LRSAM1: variants seen among roughly 807,000 people sequenced by gnomAD.
LRSAM1 encodes E3 ubiquitin-protein ligase LRSAM1.
A neutral mutation model predicts 118.1 loss-of-function variants in LRSAM1; 96 were observed. The observed-to-expected ratio is 0.81, with a 90% CI of 0.69 to 0.96. The LOEUF is 0.96. Among genes scored for constraint, LRSAM1 ranks in the 40% least tolerant of loss-of-function variants. The pLI is 0.00. For synonymous variants in LRSAM1, 322 were observed against 364.2 expected (o/e 0.88, Z 1.32); for missense variants, 804 against 915.5 (o/e 0.88, Z 1.57).
intron 9 of LRSAM1, 48 bp from the exon 10 acceptor site, chr9:127,467,692 G>T: frequency 6.5e-7 from 1 of 1,536,152 alleles, no homozygotes; most frequent in East Asian, 2.3e-5. Flanking sequence ...TGTGGTCTCC[G>T]GTTGCGTTGG....
chr9:127,477,142 A>G (rs1835372829), intron 11 of LRSAM1, among the ~76,000 whole-genome samples: 2 of 152,144 alleles, frequency 1.3e-5, no homozygotes, highest in African/African-American at 4.8e-5. Flanking sequence ...TTCTTTCCCA[A>G]AGGCACAAAT....
At chr9:127,468,529 A>G (rs1435602735) in intron 10 of LRSAM1, among the ~76,000 whole-genome samples, 1 of 152,198 alleles carries the variant, frequency 6.6e-6, no homozygotes, top group East Asian at 1.9e-4. Flanking sequence ...ACACATGCCT[A>G]TGACTTATCA....
chr9:127,495,470 C>T (rs1836096383), intron 22 of LRSAM1, 52 bp downstream of exon 22: 1 of 1,500,584 alleles, frequency 6.7e-7, no homozygotes. Context: ...GACCTCCTCC[C>T]AGAGGCGCCT....
In LRSAM1 at chr9:127,461,214, T is replaced by C. The variant is rs2132010791; in HGVS notation, c.363T>C (p.Arg121=). ...VERNQLMQLP[R]SIGNLTQLQT... ...GGAATCAACTGATGCAGCTCCCACG[T>C]TCCATTGGGAACCTGACCCAGCTCC... Residue 121 remains arginine, a synonymous_variant, in exon 8 of 26, where the codon CGT becomes CGC. Transcript: ENST00000300417. 3 of 1,612,290 alleles carry C rather than the reference T, an allele frequency of 1.9e-6. No homozygotes were observed. The highest frequency in any genetic ancestry group is 2.5e-6 in the Non-Finnish European group (3 of 1,178,724).
intron 24 of LRSAM1, among the ~76,000 whole-genome samples, chr9:127,499,952 C>T (rs927262001): frequency 6.6e-6 from 1 of 151,412 alleles, no homozygotes; most frequent in Non-Finnish European, 1.5e-5. Flanking sequence ...TTTAGTTTTT[C>T]CTGTTATAAA....
In LRSAM1 at chr9:127,489,446, C is replaced by T. The variant is rs369401880; in HGVS notation, c.1350C>T (p.Ser450=). 9 of 1,606,282 alleles carry T rather than the reference C, an allele frequency of 5.6e-6. 1 individual carries two copies. Among genetic ancestry groups the T allele is most frequent in the African/African-American group, 4.0e-5 (3 of 74,886 alleles). Residue 450 remains serine, a splice_region_variant and synonymous_variant, in exon 19 of 26, where the codon AGC becomes AGT. Coordinates refer to ENST00000300417, the MANE Select transcript of LRSAM1 (RefSeq NM_001005373.4). ...NKAISQILQE[S]AMQKAAFEAL... ...AGGGCTGGTGGTCTGTGTTGCAGAG[C>T]GCGATGCAGAAGGCTGCGTTCGAGG...
rs117612613 is a variant in LRSAM1 at position 127,453,942 on chromosome 9, C to G, written c.-32-554C>G. Reference sequence around the variant, plus strand: ...CCTGCCCCCATGGAACTCCATGAAACTAGGAAGACGCAGTCCCTGGCTCCA... The same window carrying G: ...CCTGCCCCCATGGAACTCCATGAAAGTAGGAAGACGCAGTCCCTGGCTCCA... On this transcript the variant is annotated intron_variant, in intron 2 of 25. Transcript: ENST00000300417. 38 of 163,660 alleles carry G rather than the reference C, an allele frequency of 2.3e-4. No individual in the cohort carries two copies. The East Asian group carries it at 5.7e-3, about 24-fold the overall frequency. 10.1% of individuals were successfully genotyped at this position (163,660 alleles called of 1,614,324 possible). A position where few individuals can be genotyped will look rare whatever the true frequency, so the allele number is the denominator to read the frequency against.
intron 24 of LRSAM1, among the ~76,000 whole-genome samples, chr9:127,500,477 C>T (rs910319703): frequency 1.1e-4 from 17 of 151,960 alleles, no homozygotes; most frequent in African/African-American, 3.4e-4. Context: ...GGGCTGGGGG[C>T]AGGGGAACAG....
intron 9 of LRSAM1, among the ~76,000 whole-genome samples, chr9:127,466,262 T>C (rs1470436582): frequency 6.6e-6 from 1 of 151,642 alleles, no homozygotes; most frequent in African/African-American, 2.4e-5. Context: ...TGAGCTGAGA[T>C]CACACCACTG....
intron 7 of LRSAM1, 143 bp downstream of exon 7, chr9:127,459,214 G>T (rs62584966): frequency 1.4e-6 from 1 of 740,184 alleles, no homozygotes; most frequent in Non-Finnish European, 2.2e-6. Context: ...TTGGCCCTTT[G>T]GGGTTTTTTT....
chr9:127,476,899 A>G (rs1000928160), intron 11 of LRSAM1, among the ~76,000 whole-genome samples: 1 of 151,782 alleles, frequency 6.6e-6, no homozygotes, highest in African/African-American at 2.4e-5. Context: ...CTGGTCTCGA[A>G]CTCCTGAACT....
At chr9:127,476,233 G>A (rs939570029) in intron 11 of LRSAM1, among the ~76,000 whole-genome samples, 7 of 152,204 alleles carry the variant, frequency 4.6e-5, no homozygotes, top group African/African-American at 1.7e-4. Flanking sequence ...CCATGAGATG[G>A]AGCATTTGAG....
intron 23 of LRSAM1, among the ~76,000 whole-genome samples, chr9:127,496,488 A>G (rs577877185): frequency 6.6e-6 from 1 of 152,310 alleles, no homozygotes; most frequent in Non-Finnish European, 1.5e-5. Flanking sequence ...ACAGCACATT[A>G]ATCCACTTAT....
intron 11 of LRSAM1, among the ~76,000 whole-genome samples, chr9:127,477,308 A>C (rs972425441): frequency 1.3e-5 from 2 of 152,172 alleles, no homozygotes; most frequent in Non-Finnish European, 2.9e-5. Context: ...GAATATATTG[A>C]GATGTTATCT....
rs1588144651 is a variant in LRSAM1, at chr9:127,502,814, G to A, written c.2087G>A (p.Cys696Tyr). ...CTCAACTGTGGCCACGTCTGCTGCTGCCAGCAGTGCTGCCAGCCACTGCGC... is the reference window on the plus strand; with the variant it reads ...CTCAACTGTGGCCACGTCTGCTGCTACCAGCAGTGCTGCCAGCCACTGCGC... Reference protein sequence around the residue: ...IFLNCGHVCCCQQCCQPLRTC... With the variant: ...IFLNCGHVCCYQQCCQPLRTC... The change falls in exon 26 of 26, where the codon TGC (cysteine) becomes TAC (tyrosine). Residue 696 changes from cysteine (C) to tyrosine (Y), a missense_variant. Transcript: ENST00000300417. 3.1e-6 allele frequency: 5 copies of A among 1,611,596 alleles called. No homozygotes were observed. The highest frequency in any genetic ancestry group is 4.2e-6 in the Non-Finnish European group (5 of 1,179,656).
At chr9:127,492,763 G>T (rs755857174) in intron 20 of LRSAM1, 39 bp from the exon 21 acceptor site, 1 of 1,596,412 alleles carries the variant, frequency 6.3e-7, no homozygotes, top group Non-Finnish European at 8.6e-7. Context: ...CTGCGCTGCC[G>T]CCAGCTCACG....
intron 20 of LRSAM1, among the ~76,000 whole-genome samples, chr9:127,492,351 G>A (rs150590236): frequency 2.0e-4 from 30 of 152,354 alleles, no homozygotes; most frequent in Non-Finnish European, 4.0e-4. Flanking sequence ...GCCCACAAGT[G>A]TGGCAGGGCT....
chr9:127,463,581 C>T (rs1392883116), intron 9 of LRSAM1, among the ~76,000 whole-genome samples: 1 of 152,152 alleles, frequency 6.6e-6, no homozygotes, highest in Admixed American at 6.5e-5. Flanking sequence ...CTTAGAAGCA[C>T]ACCAGTCACA....
chr9:127,474,745 G>A (rs1835294709), intron 11 of LRSAM1, among the ~76,000 whole-genome samples: 1 of 152,216 alleles, frequency 6.6e-6, no homozygotes, highest in African/African-American at 2.4e-5. Context: ...AGTCAGACAG[G>A]CACATGTGTG....
Sources: gnomAD v4.1 joint callset for allele counts (sites outside exome capture counted in the v4.1 genomes callset) on GRCh38, gnomAD v4.1.1 for gene constraint, MANE v1.5 for transcripts, NCBI Gene and HGNC (gene_info 2026-07-23, HGNC 2026-07-21) for gene names.